The following DGLUCY variants were observed in gnomAD, a reference collection of about 807,000 sequenced individuals.
The protein encoded by DGLUCY is D-glutamate cyclase.
DGLUCY carries 58 observed loss-of-function variants against 58.5 expected under a neutral mutation model. That is an observed-to-expected ratio of 0.99 (90% CI 0.80 to 1.23). DGLUCY has a LOEUF of 1.23. DGLUCY is among the 50% of genes most tolerant of loss of function. The pLI is 0.00. For synonymous variants in DGLUCY, 325 were observed against 314.1 expected, an observed-to-expected ratio of 1.03 and a Z score of -0.37; for missense variants, 779 against 784.7, an observed-to-expected ratio of 0.99 and a Z score of 0.09.
chr14:91,078,294 T>C (rs1374599917), intron 1 of DGLUCY, among the ~76,000 whole-genome samples: 2 of 152,234 alleles, frequency 1.3e-5, no homozygotes, highest in African/African-American at 4.8e-5. Context: ...TCAGTGTTAA[T>C]AAAAGCTACT....
chr14:91,068,061 A>G (rs2043852261), intron 1 of DGLUCY, among the ~76,000 whole-genome samples: 2 of 132,612 alleles, frequency 1.5e-5, no homozygotes, highest in South Asian at 5.0e-4. Context: ...TGGCGCGTGC[A>G]CACACACACA....
intron 1 of DGLUCY, among the ~76,000 whole-genome samples, chr14:91,131,349 C>A (rs2046013544): frequency 6.6e-6 from 1 of 151,418 alleles, no homozygotes; most frequent in African/African-American, 2.4e-5. Flanking sequence ...TCAAATTTAT[C>A]TTCTCTAGGA....
intron 1 of DGLUCY, among the ~76,000 whole-genome samples, chr14:91,118,991 C>G (rs989627614): frequency 6.6e-6 from 1 of 152,052 alleles, no homozygotes; most frequent in Non-Finnish European, 1.5e-5. Flanking sequence ...TTAAATTATA[C>G]TACTACTACT....
chr14:91,147,814 T>A (rs896477892), intron 1 of DGLUCY: 15 of 152,350 alleles, frequency 9.8e-5, no homozygotes, highest in Admixed American at 9.8e-4. Flanking sequence ...GCAAGTGTAA[T>A]TCTGGACCAA....
chr14:91,198,080 T>A (rs1302196100), intron 10 of DGLUCY, among the ~76,000 whole-genome samples: 1 of 152,232 alleles, frequency 6.6e-6, no homozygotes. Context: ...TCTTGCTCTG[T>A]CGCCCAGTCT....
chr14:91,066,229 T>G (rs1595600208), intron 1 of DGLUCY, among the ~76,000 whole-genome samples: 2 of 151,382 alleles, frequency 1.3e-5, no homozygotes, highest in African/African-American at 4.9e-5. Flanking sequence ...AATAGAAAAA[T>G]TAGCCGGGCC....
chr14:91,190,066 C>G (rs1313898091), intron 9 of DGLUCY, among the ~76,000 whole-genome samples: 2 of 145,650 alleles, frequency 1.4e-5, no homozygotes, highest in Non-Finnish European at 3.0e-5. Context: ...CGGCTCACTG[C>G]AAGCTCCGCC....
chr14:91,109,055 C>G (rs1369253380), intron 1 of DGLUCY, among the ~76,000 whole-genome samples: 3 of 152,122 alleles, frequency 2.0e-5, no homozygotes, highest in Non-Finnish European at 4.4e-5. Context: ...TAAACCACCC[C>G]CAGAATTCAT....
intron 12 of DGLUCY, among the ~76,000 whole-genome samples, chr14:91,214,183 C>T (rs1379937944): frequency 6.6e-6 from 1 of 152,126 alleles, no homozygotes; most frequent in African/African-American, 2.4e-5. Context: ...TCTCCATGCT[C>T]CCATAATTCT....
intron 12 of DGLUCY, among the ~76,000 whole-genome samples, chr14:91,207,332 A>T (rs1305886750): frequency 6.6e-6 from 1 of 152,114 alleles, no homozygotes; most frequent in Non-Finnish European, 1.5e-5. Flanking sequence ...AAAGAGAAAA[A>T]GTGCTGGGGG....
upstream of DGLUCY, among the ~76,000 whole-genome samples, chr14:91,111,863 T>C (rs997258920): frequency 2.0e-5 from 3 of 152,278 alleles, no homozygotes; most frequent in African/African-American, 7.2e-5. Context: ...TGTATTCTAC[T>C]GTGTGTATGT....
intron 13 of DGLUCY, chr14:91,223,727 T>C: frequency 7.8e-7 from 1 of 1,285,242 alleles, no homozygotes; most frequent in Non-Finnish European, 1.0e-6. Context: ...GACCTAGCCC[T>C]GCCAATAAAA....
intron 9 of DGLUCY, among the ~76,000 whole-genome samples, chr14:91,195,900 G>A (rs1056586007): frequency 6.6e-6 from 1 of 152,048 alleles, no homozygotes. Flanking sequence ...TCAATCTCCT[G>A]ACCTCGTGAT....
intron 1 of DGLUCY, among the ~76,000 whole-genome samples, chr14:91,147,471 C>T (rs774671006): frequency 6.6e-6 from 1 of 152,154 alleles, no homozygotes; most frequent in Non-Finnish European, 1.5e-5. Flanking sequence ...CTTGAATGGA[C>T]TGAAAGACCC....
At chr14:91,124,020 C>T (rs1478743599) in intron 1 of DGLUCY, among the ~76,000 whole-genome samples, 1 of 151,580 alleles carries the variant, frequency 6.6e-6, no homozygotes, top group African/African-American at 2.4e-5. Flanking sequence ...CTCTGCCTCC[C>T]GGGTTCAAGC....
At chr14:91,145,129 G>A (rs758979875) in intron 1 of DGLUCY, 6 of 152,164 alleles carry the variant, frequency 3.9e-5, no homozygotes, top group Non-Finnish European at 2.9e-5. Context: ...CACAGCTGCT[G>A]AGAGCCCACT....
upstream of DGLUCY, among the ~76,000 whole-genome samples, chr14:91,112,271 T>C (rs2140100641): frequency 6.6e-6 from 1 of 151,736 alleles, no homozygotes; most frequent in South Asian, 2.1e-4. Flanking sequence ...AAAAAGAGTT[T>C]AACATAACAG....
chr14:91,078,351 CTGG>C (rs2044065770), intron 1 of DGLUCY, among the ~76,000 whole-genome samples: 1 of 152,204 alleles, frequency 6.6e-6, no homozygotes, highest in African/African-American at 2.4e-5. Flanking sequence ...CCCTGAAAAA[CTGG>C]ATTTAATAAC....
intron 1 of DGLUCY, among the ~76,000 whole-genome samples, chr14:91,083,283 A>G (rs925868091): frequency 6.6e-6 from 1 of 152,196 alleles, no homozygotes; most frequent in Non-Finnish European, 1.5e-5. Flanking sequence ...GCACTTTGGG[A>G]GGCCAAGGCA....
Sources: allele counts gnomAD v4.1 joint callset (sites outside exome capture counted in the v4.1 genomes callset), GRCh38; gene constraint gnomAD v4.1.1; transcripts MANE v1.5; gene names NCBI Gene and HGNC (gene_info 2026-07-23, HGNC 2026-07-21).